The following LRMDA variants were observed in gnomAD, a reference collection of about 807,000 sequenced individuals.
LRMDA encodes leucine-rich melanocyte differentiation-associated protein.
LRMDA carries 18 observed loss-of-function variants against 29.8 expected under a neutral mutation model. That is an observed-to-expected ratio of 0.60 (90% CI 0.42 to 0.90). LRMDA has a LOEUF of 0.90. Ranked by LOEUF, LRMDA falls within the 40% of genes least tolerant of loss-of-function variation. LRMDA has a pLI of 0.00. For missense variants in LRMDA, 273 were observed against 273.9 expected (o/e 1.00, Z 0.02); for synonymous variants, 125 against 109.4 (o/e 1.14, Z -0.89).
At chr10:76,219,512 G>T (rs368925268) in intron 5 of LRMDA, among the ~76,000 whole-genome samples, 1 of 152,010 alleles carries the variant, frequency 6.6e-6, no homozygotes, top group Non-Finnish European at 1.5e-5. Flanking sequence ...ATCAAAAGAG[G>T]CAAAGAAGGC....
intron 2 of LRMDA, among the ~76,000 whole-genome samples, chr10:75,443,053 G>A (rs191060611): frequency 9.2e-5 from 14 of 152,168 alleles, no homozygotes; most frequent in African/African-American, 3.4e-4. Context: ...TTTGTGTGTT[G>A]ATTTTGTATC....
At position 76,283,192 on chromosome 10, in the gene LRMDA, A is replaced by T. The variant is rs1840228067; in HGVS notation, c.517-41209A>T. ...AATAAACTCTGCAATGAGTTTATTTAACCAGTTTATTGATTATCTACTGTG... is the reference window on the plus strand; with the variant it reads ...AATAAACTCTGCAATGAGTTTATTTTACCAGTTTATTGATTATCTACTGTG... On this transcript the variant is annotated intron_variant, in intron 5 of 6. Transcript: ENST00000611255. Among the ~76,000 whole-genome samples the T allele has an allele frequency of 2.0e-5, 3 of 152,200 alleles. No individual in the cohort carries two copies. The South Asian group carries it at 6.2e-4, about 32-fold the overall frequency.
chr10:75,607,493 C>T (rs1350284675), intron 2 of LRMDA, among the ~76,000 whole-genome samples: 2 of 152,174 alleles, frequency 1.3e-5, no homozygotes, highest in South Asian at 4.1e-4. Flanking sequence ...TCTATTGATA[C>T]AGGTGATAAT....
intron 2 of LRMDA, among the ~76,000 whole-genome samples, chr10:75,932,045 G>A (rs983494015): frequency 6.6e-6 from 1 of 152,140 alleles, no homozygotes; most frequent in African/African-American, 2.4e-5. Flanking sequence ...AAGACAAATT[G>A]CAAATTATCT....
At chr10:75,694,121 A>G (rs1032857411) in intron 2 of LRMDA, among the ~76,000 whole-genome samples, 1 of 152,220 alleles carries the variant, frequency 6.6e-6, no homozygotes, top group Non-Finnish European at 1.5e-5. Flanking sequence ...TGCCATGGGT[A>G]TGCATATATC....
intron 2 of LRMDA, among the ~76,000 whole-genome samples, chr10:75,923,944 G>A (rs555605332): frequency 2.5e-4 from 38 of 152,216 alleles, no homozygotes; most frequent in African/African-American, 8.7e-4. Context: ...TATTCAAACG[G>A]GATAGTCCCT....
intron 5 of LRMDA, among the ~76,000 whole-genome samples, chr10:76,317,764 A>G (rs1840718749): frequency 6.6e-6 from 1 of 152,050 alleles, no homozygotes; most frequent in South Asian, 2.1e-4. Context: ...AGTAGAGACA[A>G]GGTTTCACCA....
chr10:76,347,077 C>A (rs1452811344), intron 6 of LRMDA, among the ~76,000 whole-genome samples: 1 of 152,118 alleles, frequency 6.6e-6, no homozygotes, highest in Non-Finnish European at 1.5e-5. Flanking sequence ...ACTGCATCGA[C>A]AGAATTTAGT....
intron 2 of LRMDA, among the ~76,000 whole-genome samples, chr10:75,935,757 A>G (rs1289629426): frequency 6.6e-6 from 1 of 152,162 alleles, no homozygotes; most frequent in Non-Finnish European, 1.5e-5. Flanking sequence ...AGTGGCAGGA[A>G]GTCCTTCTCC....
chr10:75,692,585 G>A (rs1447210152), intron 2 of LRMDA, among the ~76,000 whole-genome samples: 2 of 139,726 alleles, frequency 1.4e-5, no homozygotes, highest in African/African-American at 6.3e-5. Flanking sequence ...GTGTGTGTGT[G>A]TGTGTGTGTG....
At chr10:76,107,905 G>C (rs960582241) in intron 5 of LRMDA, among the ~76,000 whole-genome samples, 1 of 152,168 alleles carries the variant, frequency 6.6e-6, no homozygotes, top group Admixed American at 6.5e-5. Context: ...CATTTGTGTT[G>C]AATTCTGGTT....
chr10:76,206,550 C>T (rs1369867754), intron 5 of LRMDA, among the ~76,000 whole-genome samples: 1 of 152,152 alleles, frequency 6.6e-6, no homozygotes, highest in Non-Finnish European at 1.5e-5. Context: ...GCATGTAATC[C>T]ATATCTGTTG....
chr10:75,961,006 T>C (rs528828579), intron 2 of LRMDA, among the ~76,000 whole-genome samples: 84 of 152,320 alleles, frequency 5.5e-4, no homozygotes, highest in Non-Finnish European at 1.1e-3. Context: ...AAATCTTTGA[T>C]AGATTTTAGG....
intron 2 of LRMDA, among the ~76,000 whole-genome samples, chr10:75,514,359 C>G (rs1845264919): frequency 6.6e-6 from 1 of 151,420 alleles, no homozygotes; most frequent in South Asian, 2.1e-4. Flanking sequence ...AAATGTCAGC[C>G]TCCAAATGTC....
chr10:76,069,601 CTT>C (rs559273778), intron 5 of LRMDA, among the ~76,000 whole-genome samples: 8 of 140,962 alleles, frequency 5.7e-5, no homozygotes, highest in Admixed American at 2.1e-4. Flanking sequence ...CCAAAGCTGT[CTT>C]TTTTTTTTTT....
intron 5 of LRMDA, among the ~76,000 whole-genome samples, chr10:76,103,030 G>A (rs771447632): frequency 7.2e-5 from 11 of 152,192 alleles, no homozygotes; most frequent in South Asian, 4.1e-4. Context: ...GTAATTCTAC[G>A]TTTAATGTTT....
At chr10:75,869,989 G>T (rs146461190) in intron 2 of LRMDA, among the ~76,000 whole-genome samples, 20 of 152,046 alleles carry the variant, frequency 1.3e-4, no homozygotes, top group African/African-American at 3.9e-4. Flanking sequence ...CTCCCCTCTT[G>T]CTGCTTCGTT....
chr10:75,691,500 C>T (rs1309838216), intron 2 of LRMDA, among the ~76,000 whole-genome samples: 1 of 152,098 alleles, frequency 6.6e-6, no homozygotes, highest in Admixed American at 6.5e-5. Flanking sequence ...GGCAGCCTAC[C>T]TTGTTCCCAC....
chr10:75,682,695 G>A (rs1188904863), intron 2 of LRMDA, among the ~76,000 whole-genome samples: 1 of 152,168 alleles, frequency 6.6e-6, no homozygotes, highest in Non-Finnish European at 1.5e-5. Flanking sequence ...TATGTGTCCA[G>A]TTGCAAGTCA....
Sources: gnomAD v4.1 joint callset for allele counts (sites outside exome capture counted in the v4.1 genomes callset) on GRCh38, gnomAD v4.1.1 for gene constraint, MANE v1.5 for transcripts, NCBI Gene and HGNC (gene_info 2026-07-23, HGNC 2026-07-21) for gene names.